Variants in SCYL3 observed in about 807,000 individuals in gnomAD.
SCYL3 encodes the protein protein-associating with the carboxyl-terminal domain of ezrin.
In SCYL3, 35 loss-of-function variants were observed where a neutral mutation model predicts 73.8. The observed-to-expected ratio is 0.47, with a 90% CI of 0.36 to 0.63. SCYL3 has a LOEUF of 0.63. Among genes scored for constraint, SCYL3 ranks in the 20% least tolerant of loss-of-function variants. The pLI is 0.00. For synonymous variants in SCYL3, 277 were observed against 295.2 expected, an observed-to-expected ratio of 0.94 and a Z score of 0.63; for missense variants, 712 against 798.9, an observed-to-expected ratio of 0.89 and a Z score of 1.31.
At position 169,851,984 on chromosome 1, in the gene SCYL3, G is replaced by A. The variant is rs769359668; in HGVS notation, c.*1729C>T. On this transcript the variant is annotated 3_prime_UTR_variant, in exon 13 of 13. Transcript: ENST00000367771. ...GCCAAACTTTAACAAGGCAAATTCTGCCCTTTTTACTTACTGACGAAACAA... is the reference window on the plus strand; with the variant it reads ...GCCAAACTTTAACAAGGCAAATTCTACCCTTTTTACTTACTGACGAAACAA... The A allele has an allele frequency of 1.2e-6, 2 of 1,613,108 alleles. No homozygotes were observed. Among genetic ancestry groups the A allele is most frequent in the East Asian group, 2.2e-5 (1 of 44,856 alleles).
At chr1:169,869,113 G>C (rs1190047889) in intron 6 of SCYL3, 74 bp from the exon 7 acceptor site, 1 of 1,260,178 alleles carries the variant, frequency 7.9e-7, no homozygotes, top group African/African-American at 1.5e-5. Context: ...GGAGACTGCC[G>C]AGAGCAAAAA....
At chr1:169,873,264 C>T (rs1477372417) in intron 5 of SCYL3, among the ~76,000 whole-genome samples, 1 of 152,200 alleles carries the variant, frequency 6.6e-6, no homozygotes, top group Non-Finnish European at 1.5e-5. Context: ...TGCACAAGCT[C>T]TCTTCTCTTG....
intron 7 of SCYL3, 136 bp downstream of exon 7, chr1:169,868,792 A>C (rs951973702): frequency 5.2e-6 from 3 of 580,498 alleles, no homozygotes; most frequent in South Asian, 2.3e-5. Context: ...GACATGATTC[A>C]ATCTCTCCTA....
intron 11 of SCYL3, among the ~76,000 whole-genome samples, chr1:169,856,498 A>C (rs1399278884): frequency 6.6e-6 from 1 of 152,178 alleles, no homozygotes; most frequent in Non-Finnish European, 1.5e-5. Context: ...TTGGTCAATC[A>C]ATTTTTGGCC....
chr1:169,858,976 C>T, intron 11 of SCYL3, 65 bp downstream of exon 11: 1 of 1,418,556 alleles, frequency 7.0e-7, no homozygotes, highest in Non-Finnish European at 9.8e-7. Flanking sequence ...TCCTACATTA[C>T]TTATATAATA....
At chr1:169,882,413 C>T (rs1005632190) in intron 2 of SCYL3, among the ~76,000 whole-genome samples, 52 of 152,288 alleles carry the variant, frequency 3.4e-4, no homozygotes, top group African/African-American at 3.1e-4. Flanking sequence ...GGCTCCTGTG[C>T]GACCCCAGCC....
intron 10 of SCYL3, among the ~76,000 whole-genome samples, chr1:169,859,588 C>T (rs1489189248): frequency 1.3e-5 from 2 of 152,232 alleles, no homozygotes; most frequent in African/African-American, 4.8e-5. Context: ...GCACTCAGAA[C>T]TCATCTAGGG....
intron 2 of SCYL3, among the ~76,000 whole-genome samples, chr1:169,881,051 C>A (rs1423544945): frequency 6.6e-6 from 1 of 152,160 alleles, no homozygotes; most frequent in African/African-American, 2.4e-5. Context: ...CGTGAGCCAC[C>A]GTGCCCAGGT....
Position 169,854,494 on chromosome 1 carries a change from C to A in SCYL3, c.1783G>T (p.Val595Phe), listed in dbSNP as rs199637041. ...TCTCCTAAACCAAGTTCTGATGGAA[C>A]CTTAAGGGGCCTTTCTTGTGATGAC... ...KVSSQERPLK[V>F]PSELGLGEEF... Residue 595 changes from valine to phenylalanine, a missense_variant, in exon 12 of 13, where the codon GTT becomes TTT. This residue lies in a region of SCYL3 where 370 missense variants were observed against 350.8 expected (regional missense o/e 1.05). Transcript: ENST00000367771. 30 of 1,614,032 alleles carry A rather than the reference C, an allele frequency of 1.9e-5. No homozygotes were observed. The highest frequency in any genetic ancestry group is 1.8e-5 in the Non-Finnish European group (21 of 1,179,982).
At chr1:169,882,941 G>A (rs1661400552) in intron 2 of SCYL3, among the ~76,000 whole-genome samples, 2 of 152,100 alleles carry the variant, frequency 1.3e-5, no homozygotes, top group Non-Finnish European at 2.9e-5. Flanking sequence ...AGCCAGCAGT[G>A]GCAACCCTCT....
chr1:169,880,581 A>G, intron 2 of SCYL3, among the ~76,000 whole-genome samples: 1 of 149,780 alleles, frequency 6.7e-6, no homozygotes, highest in South Asian at 2.1e-4. Context: ...AAGGCAAAAT[A>G]AAAGCACTTT....
intron 10 of SCYL3, among the ~76,000 whole-genome samples, chr1:169,862,397 A>C (rs901183623): frequency 2.0e-5 from 3 of 152,228 alleles, no homozygotes; most frequent in Non-Finnish European, 4.4e-5. Context: ...TTAACAAACA[A>C]TTATAGTTTC....
chr1:169,851,763 C>G lies in SCYL3; in HGVS notation c.*1950G>C. 1.9e-6 allele frequency: 3 copies of G among 1,587,490 alleles called. No individual in the cohort carries two copies. The highest frequency in any genetic ancestry group is 4.5e-5 in the East Asian group (2 of 44,684). On this transcript the variant is annotated 3_prime_UTR_variant, in exon 13 of 13. Transcript: ENST00000367771. ...CTTAAATTATGTGGCCATTTCATAT[C>G]TAGTAGAGTGCTAACATGTTGCTAT...
intron 7 of SCYL3, 47 bp downstream of exon 7, chr1:169,868,881 A>C: frequency 7.4e-7 from 1 of 1,359,790 alleles, no homozygotes. Context: ...AAGAGCAGGC[A>C]GCAGTGTTCC....
Position 169,878,761 on chromosome 1 carries a change from G to A in SCYL3, c.224C>T (p.Ala75Val), listed in dbSNP as rs774590471. Reference protein sequence around the residue: ...LLRFLSCTVEADGIHLVTERV... With the variant: ...LLRFLSCTVEVDGIHLVTERV... ...CTCAGTGACAAGATGAATGCCATCC[G>A]CTTCCACAGTACAAGATAAAAATCT... The change falls in exon 3 of 13, where the codon GCG becomes GTG. Residue 75 changes from alanine to valine, a missense_variant. Physicochemically the swap from Ala to Val is moderately conservative, Grantham distance 64. Around this residue, in one of 2 missense-constraint regions of SCYL3, gnomAD observed 342 missense variants for 448.1 expected, o/e 0.76. Transcript: ENST00000367771. The A allele has an allele frequency of 1.7e-5, 27 of 1,613,964 alleles. No homozygotes were observed. Among genetic ancestry groups the A allele is most frequent in the South Asian group, 4.4e-5 (4 of 91,076 alleles).
At chr1:169,874,353 C>T (rs1431106903) in intron 4 of SCYL3, among the ~76,000 whole-genome samples, 1 of 152,186 alleles carries the variant, frequency 6.6e-6, no homozygotes, top group African/African-American at 2.4e-5. Context: ...GTGCTCATAA[C>T]CTAGAATGTA....
In SCYL3 at chr1:169,851,733, C is replaced by T. The variant is rs1015070948; in HGVS notation, c.*1980G>A. The T allele has an allele frequency of 1.3e-6, 2 of 1,523,374 alleles. No individual in the cohort carries two copies. The highest frequency in any genetic ancestry group is 2.8e-5 in the African/African-American group (2 of 72,304). 94.4% of individuals were successfully genotyped at this position (1,523,374 alleles called of 1,614,324 possible). ...AATTTGCCTAGTATGGTTGAACACTCAGCACTTAAATTATGTGGCCATTTC... is the reference window on the plus strand; with the variant it reads ...AATTTGCCTAGTATGGTTGAACACTTAGCACTTAAATTATGTGGCCATTTC... On this transcript the variant is annotated 3_prime_UTR_variant, in exon 13 of 13. Transcript: ENST00000367771.
At position 169,850,668 on chromosome 1, in the gene SCYL3, C is replaced by T. The variant is rs1428643624; in HGVS notation, c.*3045G>A. ...AAAATTAGCCGGGCATGGTGGTACG[C>T]GCCTGCAGTCCCAGCTACTCGGGAG... On this transcript the variant is annotated 3_prime_UTR_variant, in exon 13 of 13. Transcript: ENST00000367771. The T allele has an allele frequency of 5.7e-5, 11 of 194,070 alleles. No individual in the cohort carries two copies. The highest frequency in any genetic ancestry group is 2.7e-4 in the Admixed American group (5 of 18,542). The allele number at this position is 194,070 out of a possible 1,614,324, so 12.0% of individuals were successfully genotyped here.
chr1:169,868,672 G>A (rs544204597), intron 7 of SCYL3, among the ~76,000 whole-genome samples: 1 of 152,238 alleles, frequency 6.6e-6, no homozygotes, highest in Admixed American at 6.5e-5. Context: ...AATAAATCTG[G>A]CTACAGTTTC....
Sources: gnomAD v4.1 joint callset for allele counts (sites outside exome capture counted in the v4.1 genomes callset) on GRCh38, gnomAD v4.1.1 for gene constraint, gnomAD v4.1.1 regional missense constraint, MANE v1.5 for transcripts, NCBI Gene and HGNC (gene_info 2026-07-23, HGNC 2026-07-21) for gene names.